The following SENP7 variants were observed in gnomAD, a reference collection of about 807,000 sequenced individuals.
The protein encoded by SENP7 is SUMO specific peptidase 7.
In SENP7, 64 loss-of-function variants were observed where a neutral mutation model predicts 141.2. The ratio of observed to expected loss-of-function variants is 0.45; its 90% CI spans 0.37 to 0.56. The LOEUF (loss-of-function observed/expected upper bound fraction) is 0.56. SENP7 is among the 20% of genes least tolerant of loss of function. SENP7 has a pLI of 0.00. For missense variants in SENP7, 1,025 were observed against 1,212.2 expected (o/e 0.85, Z 2.29); for synonymous variants, 382 against 426.4 (o/e 0.90, Z 1.28).
intron 4 of SENP7, among the ~76,000 whole-genome samples, chr3:101,430,713 C>T (rs975675710): frequency 4.0e-5 from 6 of 151,590 alleles, no homozygotes; most frequent in African/African-American, 7.3e-5. Flanking sequence ...ATCTATTTCT[C>T]GCCTTCTTCT....
intron 5 of SENP7, among the ~76,000 whole-genome samples, chr3:101,416,842 C>A (rs1468199136): frequency 1.3e-5 from 2 of 152,088 alleles, no homozygotes; most frequent in Admixed American, 6.5e-5. Context: ...AGATTACAGA[C>A]CATATAACCA....
intron 22 of SENP7, 29 bp from the exon 23 acceptor site, chr3:101,327,845 A>G (rs1264308849): frequency 6.6e-7 from 1 of 1,522,446 alleles, no homozygotes; most frequent in Non-Finnish European, 9.0e-7. Context: ...AAGAGTGACT[A>G]AAGTAGAAAT....
intron 10 of SENP7, among the ~76,000 whole-genome samples, chr3:101,362,490 CA>C (rs2059927859): frequency 6.6e-6 from 1 of 152,026 alleles, no homozygotes; most frequent in Non-Finnish European, 1.5e-5. Flanking sequence ...ATTTTAGATT[CA>C]GGGGGCATAT....
At chr3:101,444,690 A>C (rs2107793612) in intron 4 of SENP7, among the ~76,000 whole-genome samples, 1 of 144,030 alleles carries the variant, frequency 6.9e-6, no homozygotes, top group Non-Finnish European at 1.5e-5. Context: ...GGAATTGAAC[A>C]ATGAGAACAC....
chr3:101,504,459 C>CA lies in SENP7; in HGVS notation c.41-3341dup, dbSNP rs869193349. Among the ~76,000 whole-genome samples, 502 of 121,618 alleles carry CA rather than the reference C, an allele frequency of 4.1e-3. 3 individuals are homozygous for CA. Among genetic ancestry groups the CA allele is most frequent in the Middle Eastern group, 9.4e-3 (2 of 212 alleles). The allele number at this position is 121,618 out of a possible 152,430, so 79.8% of individuals were successfully genotyped here. On this transcript the variant is annotated intron_variant, in intron 1 of 23. Coordinates refer to ENST00000394095, the MANE Select transcript of SENP7 (RefSeq NM_020654.5). ...AGGCAACGAGGGCAAAATTCCATCTCAAAAAAAAAAAAAAATTATTTTCAC... is the reference window on the plus strand; with the variant it reads ...AGGCAACGAGGGCAAAATTCCATCTCAAAAAAAAAAAAAAAATTATTTTCAC...
chr3:101,398,375 G>A (rs757284466), intron 6 of SENP7, among the ~76,000 whole-genome samples: 14 of 152,138 alleles, frequency 9.2e-5, no homozygotes, highest in Admixed American at 3.9e-4. Flanking sequence ...TAGGAGAATC[G>A]CTTGAACCTG....
chr3:101,447,363 G>C (rs2062936678), intron 4 of SENP7, among the ~76,000 whole-genome samples: 1 of 152,042 alleles, frequency 6.6e-6, no homozygotes, highest in Admixed American at 6.6e-5. Flanking sequence ...GATCACTTAA[G>C]CCCAGGAGGT....
intron 3 of SENP7, among the ~76,000 whole-genome samples, chr3:101,490,313 T>C (rs1404235760): frequency 1.3e-5 from 2 of 151,832 alleles, no homozygotes; most frequent in Non-Finnish European, 2.9e-5. Flanking sequence ...AAACCAGTGA[T>C]AGATGCAAAA....
At chr3:101,355,729 C>T (rs1293427202) in intron 11 of SENP7, among the ~76,000 whole-genome samples, 1 of 152,040 alleles carries the variant, frequency 6.6e-6, no homozygotes, top group Non-Finnish European at 1.5e-5. Flanking sequence ...TTTTAAAATA[C>T]TTTTTCATAT....
At chr3:101,420,105 C>T (rs962442765) in intron 4 of SENP7, among the ~76,000 whole-genome samples, 13 of 152,202 alleles carry the variant, frequency 8.5e-5, no homozygotes, top group Non-Finnish European at 1.5e-4. Flanking sequence ...CTGTGGCTCA[C>T]GCCTGTAATC....
chr3:101,422,117 C>A (rs2061808769), intron 4 of SENP7, among the ~76,000 whole-genome samples: 1 of 152,134 alleles, frequency 6.6e-6, no homozygotes, highest in South Asian at 2.1e-4. Context: ...ATTAGATTCG[C>A]ATAGGAGCAC....
intron 3 of SENP7, among the ~76,000 whole-genome samples, chr3:101,469,794 G>A (rs1448984747): frequency 1.2e-5 from 1 of 85,074 alleles, no homozygotes; most frequent in African/African-American, 4.2e-5. Context: ...ACTGCAGTCC[G>A]TAGTCCGGCC....
rs988020275 is a variant in SENP7 at position 101,417,654 on chromosome 3, C to T, written c.421G>A (p.Asp141Asn). ...AATTTTTGACATGTCTCTAGGCTGT[C>T]AACAGATGTCGAAGGCAATGAGTCT... Reference protein sequence around the residue: ...QSDSLPSTSVDSLETCQKLEP... With the variant: ...QSDSLPSTSVNSLETCQKLEP... Residue 141 changes from aspartate to asparagine, a missense_variant, in exon 5 of 24, where the codon GAC becomes AAC. By Grantham distance (23) the Asp-to-Asn change is conservative. This residue lies in a region of SENP7 where 496 missense variants were observed against 503.5 expected (regional missense o/e 0.99). Transcript: ENST00000394095. The T allele has an allele frequency of 1.2e-6, 2 of 1,613,970 alleles. No homozygotes were observed. Among genetic ancestry groups the T allele is most frequent in the Non-Finnish European group, 8.5e-7 (1 of 1,179,870 alleles).
intron 4 of SENP7, among the ~76,000 whole-genome samples, chr3:101,452,336 A>C (rs1249194326): frequency 1.2e-4 from 18 of 152,346 alleles, no homozygotes; most frequent in African/African-American, 3.8e-4. Flanking sequence ...GCTACCAATG[A>C]CTTTCTTTAC....
At position 101,348,063 on chromosome 3, in the gene SENP7, A is replaced by G; in HGVS notation, c.1658-12T>C. ...CTCATTCAGGGACACTGAAACAAAT[A>G]AAAGACAACAATTTAAAAAATTAAT... On this transcript the variant is annotated splice_polypyrimidine_tract_variant and intron_variant, in intron 12 of 23. Transcript: ENST00000394095. The G allele has an allele frequency of 6.5e-7, 1 of 1,544,972 alleles. No homozygotes were observed. Among genetic ancestry groups the G allele is most frequent in the Non-Finnish European group, 8.7e-7 (1 of 1,146,606 alleles).
intron 1 of SENP7, among the ~76,000 whole-genome samples, chr3:101,502,388 C>T (rs1206849838): frequency 2.6e-5 from 4 of 152,210 alleles, no homozygotes; most frequent in Non-Finnish European, 4.4e-5. Flanking sequence ...CTGCAACCTC[C>T]ACCTCCCGAG....
At chr3:101,411,061 T>C (rs6784364) in intron 5 of SENP7, among the ~76,000 whole-genome samples, 60,217 of 151,720 alleles carry the variant, frequency 0.4, 12,469 homozygotes, top group Admixed American at 0.54. Flanking sequence ...ACCTTATAAC[T>C]ATAAATCCTT....
chr3:101,459,719 T>A (rs1360381867), intron 3 of SENP7, among the ~76,000 whole-genome samples: 3 of 152,198 alleles, frequency 2.0e-5, no homozygotes, highest in Non-Finnish European at 4.4e-5. Context: ...TTTACAAGAC[T>A]GTCTTCATAA....
intron 4 of SENP7, among the ~76,000 whole-genome samples, chr3:101,438,826 G>A (rs993178783): frequency 3.9e-5 from 6 of 152,076 alleles, no homozygotes; most frequent in South Asian, 2.1e-4. Context: ...TTGCCGCCGC[G>A]CCGGCGAGCG....
Sources: gnomAD v4.1 joint callset for allele counts (sites outside exome capture counted in the v4.1 genomes callset) on GRCh38, gnomAD v4.1.1 for gene constraint, gnomAD v4.1.1 regional missense constraint, MANE v1.5 for transcripts, NCBI Gene and HGNC (gene_info 2026-07-23, HGNC 2026-07-21) for gene names.